Variants in IGFBP7 observed in about 807,000 individuals in gnomAD.
IGFBP7 encodes the protein insulin-like growth factor-binding protein 7.
IGFBP7 carries 31 observed loss-of-function variants against 29.4 expected under a neutral mutation model. That is an observed-to-expected ratio of 1.05 (90% confidence interval 0.79 to 1.42). IGFBP7 has a LOEUF of 1.42. Among genes scored for constraint, IGFBP7 ranks in the 40% most tolerant of loss-of-function variants. The pLI is 0.00. For synonymous variants in IGFBP7, 172 were observed against 174.9 expected, an observed-to-expected ratio of 0.98 and a Z score of 0.13; for missense variants, 393 against 395.5, an observed-to-expected ratio of 0.99 and a Z score of 0.05.
At chr4:57,087,393 G>A (rs1430444373) in intron 1 of IGFBP7, among the ~76,000 whole-genome samples, 1 of 152,208 alleles carries the variant, frequency 6.6e-6, no homozygotes, top group Non-Finnish European at 1.5e-5. Context: ...ATGAAGGGCA[G>A]GAGAGGAACA....
At position 57,071,887 on chromosome 4, in the gene IGFBP7, G is replaced by T. The variant is rs768321914; in HGVS notation, c.476-30954C>A. On this transcript the variant is annotated intron_variant, in intron 1 of 4. Transcript: ENST00000295666. ...GCAGTGGCTCATGCCTGTAATCCCA[G>T]CACATTGGGAGGCTGAGATGGAAAG... Among the ~76,000 whole-genome samples the T allele has an allele frequency of 3.2e-4, 49 of 152,122 alleles. 1 individual carries two copies. Among genetic ancestry groups the T allele is most frequent in the Non-Finnish European group, 1.0e-4 (7 of 68,038 alleles).
chr4:57,090,563 A>C (rs1393397948), intron 1 of IGFBP7, among the ~76,000 whole-genome samples: 1 of 152,186 alleles, frequency 6.6e-6, no homozygotes, highest in Non-Finnish European at 1.5e-5. Context: ...AAGGCAGGGC[A>C]TGGTGGCTCA....
At chr4:57,107,713 C>T (rs11133482) in intron 1 of IGFBP7, among the ~76,000 whole-genome samples, 69,743 of 151,992 alleles carry the variant, frequency 0.46, 17,721 homozygotes, top group Non-Finnish European at 0.59. Context: ...GTTTTAGATG[C>T]TGTTTTCTCT....
At chr4:57,100,071 C>CTTTTTTTTTTTTTT (rs10669251) in intron 1 of IGFBP7, among the ~76,000 whole-genome samples, 1 of 115,754 alleles carries the variant, frequency 8.6e-6, no homozygotes, top group Non-Finnish European at 1.6e-5. Flanking sequence ...TCTTTTCTTT[C>CTTTTTTTTTTTTTT]TTTTTTTTTT....
chr4:57,043,343 G>A (rs544497786), intron 1 of IGFBP7, among the ~76,000 whole-genome samples: 2 of 152,276 alleles, frequency 1.3e-5, no homozygotes, highest in African/African-American at 2.4e-5. Flanking sequence ...AATCTCTGCT[G>A]ACTTGGGTCT....
intron 1 of IGFBP7, among the ~76,000 whole-genome samples, chr4:57,064,117 T>C (rs1438943982): frequency 1.3e-5 from 2 of 152,176 alleles, no homozygotes; most frequent in African/African-American, 4.8e-5. Flanking sequence ...GGTGGGCAGA[T>C]CCCTTGAGCC....
intron 2 of IGFBP7, among the ~76,000 whole-genome samples, chr4:57,040,313 AAAT>A (rs1724190380): frequency 6.6e-6 from 1 of 152,140 alleles, no homozygotes; most frequent in Non-Finnish European, 1.5e-5. Flanking sequence ...CCTCCCAGTA[AAAT>A]AATAATAATG....
At chr4:57,051,337 C>A (rs577333072) in intron 1 of IGFBP7, among the ~76,000 whole-genome samples, 1 of 152,166 alleles carries the variant, frequency 6.6e-6, no homozygotes, top group Non-Finnish European at 1.5e-5. Flanking sequence ...ATCTAGCACA[C>A]GGTCTCAGGG....
chr4:57,039,997 C>T (rs750668308), intron 2 of IGFBP7, among the ~76,000 whole-genome samples: 5 of 151,948 alleles, frequency 3.3e-5, no homozygotes, highest in African/African-American at 1.2e-4. Flanking sequence ...GAATATCATG[C>T]TTTTTCCACT....
At chr4:57,045,967 C>T (rs1472019776) in intron 1 of IGFBP7, among the ~76,000 whole-genome samples, 1 of 152,182 alleles carries the variant, frequency 6.6e-6, no homozygotes, top group Non-Finnish European at 1.5e-5. Context: ...CTCAGGTGAT[C>T]TGCCCACCTC....
intron 1 of IGFBP7, among the ~76,000 whole-genome samples, chr4:57,054,773 C>T (rs530068621): frequency 5.9e-5 from 9 of 152,086 alleles, no homozygotes; most frequent in South Asian, 2.1e-4. Flanking sequence ...AAACATTTTG[C>T]GACGCTGAAG....
intron 1 of IGFBP7, among the ~76,000 whole-genome samples, chr4:57,041,667 C>T (rs1307541063): frequency 6.6e-6 from 1 of 152,138 alleles, no homozygotes; most frequent in Non-Finnish European, 1.5e-5. Flanking sequence ...TCCCGAGTAG[C>T]TGGGACTATA....
At chr4:57,041,713 TA>T (rs1724230799) in intron 1 of IGFBP7, among the ~76,000 whole-genome samples, 1 of 152,036 alleles carries the variant, frequency 6.6e-6, no homozygotes. Context: ...TTTTATTTTT[TA>T]TTTTTGTAGA....
At chr4:57,065,097 C>T (rs1724885721) in intron 1 of IGFBP7, among the ~76,000 whole-genome samples, 1 of 152,274 alleles carries the variant, frequency 6.6e-6, no homozygotes, top group South Asian at 2.1e-4. Flanking sequence ...ATCTGGAAAA[C>T]TGCAGCCCAT....
chr4:57,058,019 T>A (rs1368794198), intron 1 of IGFBP7, among the ~76,000 whole-genome samples: 2 of 152,202 alleles, frequency 1.3e-5, no homozygotes. Context: ...GAGCTTGGCC[T>A]CTGTGGAGAA....
At chr4:57,048,212 C>T (rs1474287124) in intron 1 of IGFBP7, among the ~76,000 whole-genome samples, 3 of 152,090 alleles carry the variant, frequency 2.0e-5, no homozygotes, top group African/African-American at 4.8e-5. Context: ...CCACCACTCC[C>T]GGCTAACTTT....
At chr4:57,054,540 G>A (rs1724595134) in intron 1 of IGFBP7, among the ~76,000 whole-genome samples, 1 of 150,946 alleles carries the variant, frequency 6.6e-6, no homozygotes, top group Admixed American at 6.6e-5. Context: ...TTGGAAGGCT[G>A]AGGCAGAAGA....
At chr4:57,031,468 T>G (rs939085139) in intron 4 of IGFBP7, 132 bp from the exon 5 acceptor site, 12 of 704,194 alleles carry the variant, frequency 1.7e-5, no homozygotes, top group Non-Finnish European at 2.7e-5. Context: ...ATATGAGTAA[T>G]TGTATAAATG....
intron 1 of IGFBP7, among the ~76,000 whole-genome samples, chr4:57,044,802 A>G (rs1461539636): frequency 1.3e-5 from 2 of 152,204 alleles, no homozygotes; most frequent in African/African-American, 2.4e-5. Flanking sequence ...GGGCAGATCT[A>G]ATATATCTGT....
Sources: gnomAD v4.1 joint callset for allele counts (sites outside exome capture counted in the v4.1 genomes callset) on GRCh38, gnomAD v4.1.1 for gene constraint, MANE v1.5 for transcripts, NCBI Gene and HGNC (gene_info 2026-07-23, HGNC 2026-07-21) for gene names.